Variants in SLC19A1 observed in about 807,000 individuals in gnomAD.
SLC19A1 encodes reduced folate transporter.
A neutral mutation model predicts 35.3 loss-of-function variants in SLC19A1; 37 were observed. The observed-to-expected ratio is 1.05, with a 90% confidence interval of 0.81 to 1.38. SLC19A1 has a LOEUF of 1.38. Among genes scored for constraint, SLC19A1 ranks in the 40% most tolerant of loss-of-function variants. The pLI is 0.00. For synonymous variants in SLC19A1, 460 were observed against 398.5 expected (o/e 1.15, Z -1.84); for missense variants, 831 against 826.9 (o/e 1.00, Z -0.06).
intron 1 of SLC19A1, among the ~76,000 whole-genome samples, chr21:45,562,368 T>C (rs1255985087): frequency 1.3e-5 from 2 of 152,226 alleles, no homozygotes; most frequent in African/African-American, 2.4e-5. Flanking sequence ...CATTTGTGAC[T>C]GTCTCTGGGA....
chr21:45,532,001 C>CCAGCAG lies in SLC19A1; in HGVS notation c.331_336dup (p.Leu111_Leu112dup). On this transcript the variant is annotated inframe_insertion, in exon 3 of 6. Coordinates refer to ENST00000311124, the MANE Select transcript of SLC19A1 (RefSeq NM_194255.4). ...AGCTGCATGTGCGCCACCGAGTGGC[C>CCAGCAG]CAGCAGCAGCAGCAGCCACACCGAC... 6.2e-7 allele frequency: 1 copy of CCAGCAG among 1,610,222 alleles called. No individual in the cohort carries two copies. The highest frequency in any genetic ancestry group is 8.5e-7 in the Non-Finnish European group (1 of 1,179,542).
intron 1 of SLC19A1, among the ~76,000 whole-genome samples, chr21:45,557,486 C>G (rs1021049985): frequency 1.3e-5 from 2 of 152,130 alleles, no homozygotes. Flanking sequence ...CGGTTGGGCC[C>G]GGAGGCTGCT....
downstream of SLC19A1, among the ~76,000 whole-genome samples, chr21:45,508,517 AGTGGATGG>A (rs1364019150): frequency 2.0e-5 from 3 of 147,932 alleles, no homozygotes; most frequent in African/African-American, 7.7e-5. Context: ...TAAGTGGGTT[AGTGGATGG>A]GTGGGTGGAT....
At chr21:45,527,940 TAAA>T (rs35809128) in intron 4 of SLC19A1, among the ~76,000 whole-genome samples, 5,044 of 135,586 alleles carry the variant, frequency 0.037, 305 homozygotes, top group African/African-American at 0.13. Context: ...GCAAAGTGCT[TAAA>T]AAAAAAAAAA....
rs1471656146 is a variant in SLC19A1, at chr21:45,514,735, G to A, written c.*923C>T. On this transcript the variant is annotated 3_prime_UTR_variant, in exon 6 of 6. Coordinates refer to ENST00000311124, the MANE Select transcript of SLC19A1 (RefSeq NM_194255.4). ...GCACACTCACTTAAGTGTGTTTAAT[G>A]TATGTGGGAAGAGTATTCACATCAC... is the stretch of plus-strand genomic sequence containing the variant. 4.5e-6 allele frequency: 2 copies of A among 445,038 alleles called. No individual in the cohort carries two copies. The highest frequency in any genetic ancestry group is 7.9e-6 in the Non-Finnish European group (2 of 254,376). 27.6% of individuals were successfully genotyped at this position (445,038 alleles called of 1,614,324 possible). A position where few individuals can be genotyped will look rare whatever the true frequency, so the allele number is the denominator to read the frequency against.
At position 45,515,181 on chromosome 21, in the gene SLC19A1, C is replaced by A. The variant is rs2037834525; in HGVS notation, c.*477G>T. 3.3e-6 allele frequency: 5 copies of A among 1,518,866 alleles called. No homozygotes were observed. The highest frequency in any genetic ancestry group is 4.4e-6 in the Non-Finnish European group (5 of 1,138,326). The allele number at this position is 1,518,866 out of a possible 1,614,324, so 94.1% of individuals were successfully genotyped here. A position where few individuals can be genotyped will look rare whatever the true frequency, so the allele number is the denominator to read the frequency against. On this transcript the variant is annotated 3_prime_UTR_variant, in exon 6 of 6. Transcript: ENST00000311124. ...CGTCAGTTAAAAAAAAAAAAAGCAT[C>A]TTTCAAAAAAGCAAGAGCACCAAGG... is the stretch of plus-strand genomic sequence containing the variant.
chr21:45,537,854 C>T lies in SLC19A1; in HGVS notation c.106G>A (p.Gly36Ser), dbSNP rs1218455567. Residue 36 changes from glycine (G) to serine (S), a missense_variant, in exon 2 of 6, where the codon GGC becomes AGC. Gly to Ser is a moderately conservative substitution (Grantham distance 56). Coordinates refer to ENST00000311124, the MANE Select transcript of SLC19A1 (RefSeq NM_194255.4). The stretch of plus-strand genomic sequence containing the variant: ...CCTGGCCGTATCTGCGCCATGAAGC[C>T]GTAGAAGCAAAGGTAGCACACGAGG... ...RHLVCYLCFY[G>S]FMAQIRPGES... 2 of 1,608,378 alleles carry T rather than the reference C, an allele frequency of 1.2e-6. No individual in the cohort carries two copies. Among genetic ancestry groups the T allele is most frequent in the African/African-American group, 1.3e-5 (1 of 74,996 alleles).
At position 45,540,163 on chromosome 21, in the gene SLC19A1, T is replaced by C. The variant is rs997821399; in HGVS notation, c.-49-2155A>G. 6.6e-6 allele frequency among the ~76,000 whole-genome samples: 1 copy of C among 152,112 alleles called. No homozygotes were observed. The highest frequency in any genetic ancestry group is 1.5e-5 in the Non-Finnish European group (1 of 68,016). On this transcript the variant is annotated intron_variant, in intron 1 of 5. Coordinates refer to ENST00000311124, the MANE Select transcript of SLC19A1 (RefSeq NM_194255.4). This position sits in a 1 kb window ranked among gnomAD's most constrained non-coding sequence, Gnocchi z 5.5. ...TGCCCAGAGAGGCCACGGGTAGAGC[T>C]GGACATACCTCAGACCGCACCCACT... is the stretch of plus-strand genomic sequence containing the variant.
At chr21:45,553,377 A>T (rs1465189462) in intron 1 of SLC19A1, among the ~76,000 whole-genome samples, 1 of 151,802 alleles carries the variant, frequency 6.6e-6, no homozygotes, top group Non-Finnish European at 1.5e-5. Context: ...GAGGAGCCAC[A>T]GGGGACACGG....
upstream of SLC19A1, among the ~76,000 whole-genome samples, chr21:45,545,587 C>G (rs762265352): frequency 9.2e-5 from 14 of 152,150 alleles, no homozygotes; most frequent in Non-Finnish European, 1.6e-4. Flanking sequence ...AACAGCCCCC[C>G]TCATACGTAC....
At chr21:45,520,770 C>T (rs1246154963) in intron 5 of SLC19A1, among the ~76,000 whole-genome samples, 2 of 152,160 alleles carry the variant, frequency 1.3e-5, no homozygotes, top group Non-Finnish European at 2.9e-5. Context: ...CCTGTAACCC[C>T]AGCACTTTGG....
At chr21:45,538,248 G>C (rs763594191) in intron 1 of SLC19A1, among the ~76,000 whole-genome samples, 8 of 152,218 alleles carry the variant, frequency 5.3e-5, no homozygotes, top group Non-Finnish European at 1.0e-4. Context: ...CGAGGCTGAG[G>C]GAAGTCTCCA....
At chr21:45,538,113 C>T (rs892929540) in intron 1 of SLC19A1, 105 bp from the exon 2 acceptor site, 8 of 617,306 alleles carry the variant, frequency 1.3e-5, no homozygotes, top group Non-Finnish European at 1.9e-5. Context: ...CAGGACCAAA[C>T]GCCACCCTGG....
At chr21:45,537,410 C>T (rs1018464813) in intron 2 of SLC19A1, among the ~76,000 whole-genome samples, 1 of 151,902 alleles carries the variant, frequency 6.6e-6, no homozygotes, top group Non-Finnish European at 1.5e-5. Flanking sequence ...CCCGCCCACC[C>T]ATAGGCGGCC....
intron 1 of SLC19A1, among the ~76,000 whole-genome samples, chr21:45,553,000 G>C (rs957837394): frequency 6.6e-6 from 1 of 152,088 alleles, no homozygotes; most frequent in Non-Finnish European, 1.5e-5. Context: ...AAGACCTCGC[G>C]CAATGGAAGC....
At chr21:45,543,276 G>A (rs2078366842), upstream of SLC19A1, among the ~76,000 whole-genome samples, 1 of 152,228 alleles carries the variant, frequency 6.6e-6, no homozygotes, top group South Asian at 2.1e-4. Flanking sequence ...GAGAAGTGGG[G>A]GGCCTCAGGG....
At chr21:45,516,248 G>A (rs2037932289) in intron 5 of SLC19A1, 108 bp from the exon 6 acceptor site, 1 of 846,988 alleles carries the variant, frequency 1.2e-6, no homozygotes, top group East Asian at 2.5e-5. Context: ...CTCAGAGGCT[G>A]ACCCTGAACA....
At chr21:45,555,169 CGCA>C (rs1453864672) in intron 1 of SLC19A1, among the ~76,000 whole-genome samples, 3 of 72,876 alleles carry the variant, frequency 4.1e-5, no homozygotes, top group African/African-American at 1.9e-4. Context: ...GCGGGGGCGG[CGCA>C]GGGGGCGGTG....
At chr21:45,553,479 A>G (rs746964814) in intron 1 of SLC19A1, among the ~76,000 whole-genome samples, 4 of 151,880 alleles carry the variant, frequency 2.6e-5, no homozygotes, top group Admixed American at 1.3e-4. Flanking sequence ...GAGACATAAA[A>G]TGTACCATGT....
Sources: allele counts gnomAD v4.1 joint callset (sites outside exome capture counted in the v4.1 genomes callset), GRCh38; gene constraint gnomAD v4.1.1; non-coding constraint Gnocchi (gnomAD v3.1); transcripts MANE v1.5; gene names NCBI Gene and HGNC (gene_info 2026-07-23, HGNC 2026-07-21).